The following RORA variants were observed in gnomAD, a reference collection of about 807,000 sequenced individuals.
RORA encodes RAR related orphan receptor A, also known as nuclear receptor ROR-alpha.
In RORA, 7 loss-of-function variants were observed where a neutral mutation model predicts 69.5. The observed-to-expected ratio is 0.10, with a 90% CI of 0.06 to 0.19. The LOEUF (loss-of-function observed/expected upper bound fraction) is 0.19. RORA is among the 10% of genes least tolerant of loss of function. RORA has a pLI of 1.00. For synonymous variants in RORA, 261 were observed against 240.8 expected, an observed-to-expected ratio of 1.08 and a Z score of -0.78; for missense variants, 457 against 663.0, an observed-to-expected ratio of 0.69 and a Z score of 3.41.
intron 1 of RORA, among the ~76,000 whole-genome samples, chr15:60,739,051 T>G (rs1171975581): frequency 6.6e-6 from 1 of 152,220 alleles, no homozygotes; most frequent in Non-Finnish European, 1.5e-5. Flanking sequence ...AACAGCCTTA[T>G]TTTTCAAATA....
chr15:60,671,066 T>TTATATATATATATATATATA (rs1567149501), intron 2 of RORA, among the ~76,000 whole-genome samples: 3 of 18,512 alleles, frequency 1.6e-4, no homozygotes, highest in African/African-American at 8.5e-4. Context: ...TATATCCCAT[T>TTATATATATATATATATATA]GATATATATA....
chr15:60,512,322 G>C (rs2065728014), intron 4 of RORA, among the ~76,000 whole-genome samples: 1 of 152,098 alleles, frequency 6.6e-6, no homozygotes, highest in South Asian at 2.1e-4. Context: ...CTTGCTCTCT[G>C]TCACCCAGGC....
At chr15:60,826,063 G>A (rs551953038) in intron 1 of RORA, among the ~76,000 whole-genome samples, 2 of 152,272 alleles carry the variant, frequency 1.3e-5, no homozygotes, top group South Asian at 2.1e-4. Context: ...GGGCCAATTG[G>A]TCAGACCGCT....
chr15:60,682,260 C>T (rs1206211473), intron 1 of RORA: 1 of 152,200 alleles, frequency 6.6e-6, no homozygotes, highest in Non-Finnish European at 1.5e-5. Context: ...ATTAGTTTAA[C>T]CAAACTGAAT....
intron 1 of RORA, among the ~76,000 whole-genome samples, chr15:60,698,842 T>C (rs902764735): frequency 6.6e-6 from 1 of 152,134 alleles, no homozygotes; most frequent in Non-Finnish European, 1.5e-5. Flanking sequence ...ATTTCTTTGT[T>C]CATTTATGAT....
intron 1 of RORA, among the ~76,000 whole-genome samples, chr15:60,996,371 CCT>C: frequency 6.6e-6 from 1 of 152,140 alleles, no homozygotes; most frequent in South Asian, 2.1e-4. Flanking sequence ...CACGCCCAGC[CCT>C]ACATCTTGTT....
At chr15:60,841,898 C>T (rs1320554243) in intron 1 of RORA, among the ~76,000 whole-genome samples, 1 of 152,184 alleles carries the variant, frequency 6.6e-6, no homozygotes, top group East Asian at 1.9e-4. Flanking sequence ...AATCAATGTG[C>T]CAAGCAGTGC....
intron 1 of RORA, among the ~76,000 whole-genome samples, chr15:60,961,389 C>A (rs1342041257): frequency 6.6e-6 from 1 of 152,152 alleles, no homozygotes; most frequent in African/African-American, 2.4e-5. Flanking sequence ...ATCTTCCCAC[C>A]TGAGATACAG....
chr15:60,774,686 C>T (rs767699862), intron 1 of RORA, among the ~76,000 whole-genome samples: 2 of 152,178 alleles, frequency 1.3e-5, no homozygotes, highest in South Asian at 2.1e-4. Flanking sequence ...TCATGAGATA[C>T]ACCACATTGG....
At chr15:60,943,374 T>C (rs1892759231) in intron 1 of RORA, among the ~76,000 whole-genome samples, 1 of 152,154 alleles carries the variant, frequency 6.6e-6, no homozygotes, top group Admixed American at 6.5e-5. Context: ...AATCTTGTTC[T>C]GGCTCTTGTA....
chr15:60,597,566 ATATATAT>A (rs1376153419), intron 2 of RORA, among the ~76,000 whole-genome samples: 2 of 32,172 alleles, frequency 6.2e-5, no homozygotes, highest in African/African-American at 3.1e-4. Flanking sequence ...ATATATATAT[ATATATAT>A]ACACATATAT....
chr15:60,693,321 T>C (rs565829707), intron 1 of RORA, among the ~76,000 whole-genome samples: 1 of 152,326 alleles, frequency 6.6e-6, no homozygotes, highest in East Asian at 1.9e-4. Flanking sequence ...GAGCCATTTA[T>C]GACAAACCCA....
At chr15:60,547,674 A>C (rs1225898498) in intron 2 of RORA, 14 of 144,604 alleles carry the variant, frequency 9.7e-5, no homozygotes, top group African/African-American at 3.4e-4. Flanking sequence ...TTCTTCACTT[A>C]CCTTTTTCAG....
intron 1 of RORA, among the ~76,000 whole-genome samples, chr15:61,202,193 G>A (rs969366490): frequency 6.6e-6 from 1 of 151,886 alleles, no homozygotes; most frequent in Non-Finnish European, 1.5e-5. Flanking sequence ...TGTATTTTTA[G>A]TAGAGATGGG....
intron 1 of RORA, among the ~76,000 whole-genome samples, chr15:60,800,423 C>T (rs970710008): frequency 2.0e-5 from 3 of 152,126 alleles, no homozygotes; most frequent in Admixed American, 6.6e-5. Context: ...AACAAAATTT[C>T]GTTTTGGTAA....
intron 1 of RORA, among the ~76,000 whole-genome samples, chr15:61,165,918 C>T (rs1051876161): frequency 2.2e-4 from 33 of 152,180 alleles, no homozygotes; most frequent in African/African-American, 7.7e-4. Context: ...CTTACAGATA[C>T]AAAATGTGAA....
intron 1 of RORA, among the ~76,000 whole-genome samples, chr15:61,159,677 GATAATAATGTAC>G (rs549915621): frequency 3.3e-5 from 5 of 152,288 alleles, no homozygotes; most frequent in Non-Finnish European, 5.9e-5. Context: ...ATTGACTGTG[GATAATAATGTAC>G]CTTTGCGGCA....
At chr15:60,517,110 C>CTTT (rs34707279) in intron 3 of RORA, among the ~76,000 whole-genome samples, 34 of 141,274 alleles carry the variant, frequency 2.4e-4, no homozygotes, top group Admixed American at 5.5e-4. Flanking sequence ...TTCATCTGTG[C>CTTT]TTTTTTTTTT....
chr15:61,164,143 C>CAA (rs57024937), intron 1 of RORA, among the ~76,000 whole-genome samples: 7 of 141,872 alleles, frequency 4.9e-5, no homozygotes, highest in African/African-American at 7.7e-5. Flanking sequence ...TGGCCTGTAT[C>CAA]AAAAAAAAAA....
Sources: gnomAD v4.1 joint callset for allele counts (sites outside exome capture counted in the v4.1 genomes callset) on GRCh38, gnomAD v4.1.1 for gene constraint, MANE v1.5 for transcripts, NCBI Gene and HGNC (gene_info 2026-07-23, HGNC 2026-07-21) for gene names.